The following ACVR1 variants were observed in gnomAD, a reference collection of about 807,000 sequenced individuals.
ACVR1 encodes the protein activin A receptor type 1, also known as activin receptor type-1.
A neutral mutation model predicts 57.1 loss-of-function variants in ACVR1; 38 were observed. The ratio of observed to expected loss-of-function variants is 0.67; its 90% CI spans 0.51 to 0.87. ACVR1 has a LOEUF of 0.87. ACVR1 is among the 40% of genes least tolerant of loss of function. ACVR1 has a pLI of 0.00. For missense variants in ACVR1, 463 were observed against 638.2 expected (o/e 0.73, Z 2.96); for synonymous variants, 212 against 228.1 (o/e 0.93, Z 0.63).
At chr2:157,758,011 TC>T (rs938921385) in intron 9 of ACVR1, among the ~76,000 whole-genome samples, 1 of 150,618 alleles carries the variant, frequency 6.6e-6, no homozygotes, top group Non-Finnish European at 1.5e-5. Flanking sequence ...ACAGATTAAA[TC>T]CCCCCAATTA....
chr2:157,749,449 C>T (rs1685096382), intron 9 of ACVR1, among the ~76,000 whole-genome samples: 1 of 152,170 alleles, frequency 6.6e-6, no homozygotes, highest in Non-Finnish European at 1.5e-5. Flanking sequence ...ACAGTCTGCT[C>T]ATTATAAATA....
intron 1 of ACVR1, among the ~76,000 whole-genome samples, chr2:157,855,824 T>G (rs1689511399): frequency 6.6e-6 from 1 of 152,116 alleles, no homozygotes; most frequent in South Asian, 2.1e-4. Flanking sequence ...GGGAAATGAC[T>G]TGATGTTTTG....
intron 1 of ACVR1, among the ~76,000 whole-genome samples, chr2:157,841,007 TC>T (rs1008976528): frequency 6.6e-6 from 1 of 152,212 alleles, no homozygotes; most frequent in African/African-American, 2.4e-5. Flanking sequence ...CAATTCCTGT[TC>T]CCCTGGTGGT....
At chr2:157,850,977 T>G (rs914196568) in intron 1 of ACVR1, among the ~76,000 whole-genome samples, 1 of 152,024 alleles carries the variant, frequency 6.6e-6, no homozygotes, top group African/African-American at 2.4e-5. Context: ...AAAGAAAAGT[T>G]AGCTTAGCAG....
chr2:157,862,957 T>C (rs1032659161), intron 1 of ACVR1, among the ~76,000 whole-genome samples: 3 of 150,612 alleles, frequency 2.0e-5, no homozygotes, highest in African/African-American at 7.4e-5. Flanking sequence ...AGTGATTACA[T>C]AAAATTCCAT....
At chr2:157,740,970 G>T (rs1460542130) in intron 9 of ACVR1, among the ~76,000 whole-genome samples, 1 of 152,120 alleles carries the variant, frequency 6.6e-6, no homozygotes, top group African/African-American at 2.4e-5. Flanking sequence ...ATAAACCTGG[G>T]ATTAAGCTCT....
chr2:157,846,553 C>G (rs1046760844), intron 1 of ACVR1, among the ~76,000 whole-genome samples: 10 of 152,278 alleles, frequency 6.6e-5, no homozygotes, highest in African/African-American at 2.4e-4. Flanking sequence ...TTGCGACCTT[C>G]AGAACTAAAC....
chr2:157,759,389 T>C (rs1349841069), intron 9 of ACVR1, among the ~76,000 whole-genome samples: 1 of 151,914 alleles, frequency 6.6e-6, no homozygotes, highest in Non-Finnish European at 1.5e-5. Context: ...ATGGATATAA[T>C]CTACCAAGAT....
intron 8 of ACVR1, among the ~76,000 whole-genome samples, chr2:157,765,195 C>A (rs1261657572): frequency 2.6e-5 from 4 of 152,210 alleles, no homozygotes; most frequent in Non-Finnish European, 5.9e-5. Context: ...TAAAGCTACA[C>A]TGAGTACTAC....
In ACVR1 at chr2:157,850,543, T is replaced by C. The variant is rs574872871; in HGVS notation, c.-183+25253A>G. ...ATCATACAAGATTAACCCAGTTTCC[T>C]TTTCTCGTTAAGATTCCTAAGCTGG... On this transcript the variant is annotated intron_variant, in intron 1 of 10. Transcript: ENST00000434821. Among the ~76,000 whole-genome samples, 19 of 152,332 alleles carry C rather than the reference T, an allele frequency of 1.2e-4. No homozygotes were observed. In the East Asian group the frequency reaches 3.7e-3, roughly 29 times the overall value.
intron 9 of ACVR1, among the ~76,000 whole-genome samples, chr2:157,751,063 G>A (rs115703219): frequency 0.017 from 2,593 of 152,180 alleles, 67 homozygotes; most frequent in African/African-American, 0.056. Flanking sequence ...AAGAATCAAC[G>A]GACCCTTTGA....
intron 9 of ACVR1, among the ~76,000 whole-genome samples, chr2:157,742,927 T>C (rs967924399): frequency 4.6e-5 from 7 of 152,118 alleles, no homozygotes; most frequent in African/African-American, 1.7e-4. Flanking sequence ...GTGAGATCTG[T>C]AGGAGAAAGC....
intron 1 of ACVR1, among the ~76,000 whole-genome samples, chr2:157,853,026 A>AGAAGTTAG: frequency 6.6e-6 from 1 of 152,374 alleles, no homozygotes; most frequent in South Asian, 2.1e-4. Flanking sequence ...CCTAACAATA[A>AGAAGTTAG]GATCTCAAAA....
At chr2:157,739,813 A>C (rs1226156280) in intron 9 of ACVR1, among the ~76,000 whole-genome samples, 1 of 152,214 alleles carries the variant, frequency 6.6e-6, no homozygotes, top group Non-Finnish European at 1.5e-5. Context: ...AAGAAATGCT[A>C]CATATCTTTT....
intron 3 of ACVR1, among the ~76,000 whole-genome samples, chr2:157,789,745 T>C (rs139753056): frequency 2.2e-4 from 33 of 152,304 alleles, no homozygotes; most frequent in African/African-American, 7.2e-4. Flanking sequence ...TACTGAGAAA[T>C]AATAATCTAG....
Position 157,793,619 on chromosome 2 carries a change from G to A in ACVR1, c.67+5808C>T, listed in dbSNP as rs184805632. Among the ~76,000 whole-genome samples, 146 of 152,216 alleles carry A rather than the reference G, an allele frequency of 9.6e-4. 2 individuals carry two copies. Among genetic ancestry groups the A allele is most frequent in the Non-Finnish European group, 1.6e-3 (110 of 68,020 alleles). On this transcript the variant is annotated intron_variant, in intron 3 of 10. Transcript: ENST00000434821. The stretch of plus-strand genomic sequence containing the variant: ...ATCCCTTTCCCTAAAAACATCTTCC[G>A]TTTGATGATATGCCAAAGAAAAAGA...
At position 157,737,729 on chromosome 2, in the gene ACVR1, G is replaced by GCCTA; in HGVS notation, c.1396-65_1396-64insTAGG. 7 of 1,600,322 alleles carry GCCTA rather than the reference G, an allele frequency of 4.4e-6. No individual in the cohort carries two copies. In the South Asian group the frequency reaches 6.6e-5, roughly 15 times the overall value. On this transcript the variant is annotated intron_variant, in intron 10 of 10. Transcript: ENST00000434821. ...GCTTTTTAATGGCCCTGGAAGCTGG[G>GCCTA]CTGATATCATGTCTACTATTCTGAA...
At chr2:157,751,960 C>A (rs1247242815) in intron 9 of ACVR1, among the ~76,000 whole-genome samples, 1 of 152,212 alleles carries the variant, frequency 6.6e-6, no homozygotes, top group Admixed American at 6.5e-5. Context: ...ACAGCTAATG[C>A]TCTCTTGAAA....
chr2:157,774,057 T>C (rs766731215), intron 6 of ACVR1, 31 bp downstream of exon 6: 4 of 1,582,826 alleles, frequency 2.5e-6, no homozygotes, highest in Non-Finnish European at 3.5e-6. Flanking sequence ...CATTGCATAT[T>C]ACCCACAAAG....
Sources: allele counts gnomAD v4.1 joint callset (sites outside exome capture counted in the v4.1 genomes callset), GRCh38; gene constraint gnomAD v4.1.1; transcripts MANE v1.5; gene names NCBI Gene and HGNC (gene_info 2026-07-23, HGNC 2026-07-21).